The following RNF150 variants were observed in gnomAD, a reference collection of about 807,000 sequenced individuals.
RNF150 encodes ring finger protein 150.
In RNF150, 24 loss-of-function variants were observed where a neutral mutation model predicts 39.3. The ratio of observed to expected loss-of-function variants is 0.61; its 90% confidence interval spans 0.44 to 0.86. The LOEUF is 0.86. Among genes scored for constraint, RNF150 ranks in the 40% least tolerant of loss-of-function variants. The pLI is 0.00. For missense variants in RNF150, 502 were observed against 587.8 expected (o/e 0.85, Z 1.51); for synonymous variants, 255 against 227.3 (o/e 1.12, Z -1.10).
intron 1 of RNF150, among the ~76,000 whole-genome samples, chr4:141,189,498 A>G (rs1195080089): frequency 1.3e-5 from 2 of 152,098 alleles, no homozygotes; most frequent in Admixed American, 1.3e-4. Context: ...CTGCGCCCAC[A>G]GCTGCCCCTT....
intron 1 of RNF150, among the ~76,000 whole-genome samples, chr4:141,117,538 A>C (rs956846984): frequency 2.6e-5 from 4 of 152,242 alleles, no homozygotes; most frequent in Admixed American, 2.0e-4. Context: ...GAACAAATGT[A>C]TATGGTATGG....
At chr4:140,942,318 G>A (rs1732120020) in intron 4 of RNF150, among the ~76,000 whole-genome samples, 1 of 152,226 alleles carries the variant, frequency 6.6e-6, no homozygotes, top group African/African-American at 2.4e-5. Context: ...TGCAGAGCCA[G>A]TGATGGAGCC....
intron 4 of RNF150, among the ~76,000 whole-genome samples, chr4:140,929,177 A>G (rs1560972530): frequency 6.6e-6 from 1 of 152,050 alleles, no homozygotes. Context: ...TAGCAATCAA[A>G]TAAGATGATT....
chr4:141,005,767 G>C (rs888106446), intron 1 of RNF150, among the ~76,000 whole-genome samples: 1 of 152,156 alleles, frequency 6.6e-6, no homozygotes, highest in Non-Finnish European at 1.5e-5. Flanking sequence ...ACTTTAGTTA[G>C]ATAAGAAATA....
chr4:141,179,964 G>A (rs545878347), intron 1 of RNF150, among the ~76,000 whole-genome samples: 1 of 152,204 alleles, frequency 6.6e-6, no homozygotes, highest in African/African-American at 2.4e-5. Context: ...TGGCTCTCCC[G>A]TTACCTCTGG....
chr4:141,102,377 C>T (rs1739043229), intron 1 of RNF150, among the ~76,000 whole-genome samples: 2 of 152,044 alleles, frequency 1.3e-5, no homozygotes, highest in Non-Finnish European at 2.9e-5. Flanking sequence ...ATAATTTTTC[C>T]CTGATCCTTT....
chr4:140,935,473 A>G (rs561230913), intron 4 of RNF150, among the ~76,000 whole-genome samples: 2 of 152,274 alleles, frequency 1.3e-5, no homozygotes, highest in South Asian at 4.1e-4. Context: ...ATTTGAAGCC[A>G]GAATGCCATA....
In RNF150 at chr4:141,132,942, C is replaced by T. The variant is rs1242036043; in HGVS notation, c.-134G>A. ...ACTCCCGGGCCGGAGGGGCCGCGGCCGGGACGCGCAGCCGCCGCGGGGACC... is the reference window on the plus strand; with the variant it reads ...ACTCCCGGGCCGGAGGGGCCGCGGCTGGGACGCGCAGCCGCCGCGGGGACC... On this transcript the variant is annotated 5_prime_UTR_variant, in exon 1 of 7. Transcript: ENST00000515673. This position sits in a 1 kb window ranked among gnomAD's most constrained non-coding sequence, Gnocchi z 4.9. 4 of 677,280 alleles carry T rather than the reference C, an allele frequency of 5.9e-6. No individual in the cohort carries two copies. Among genetic ancestry groups the T allele is most frequent in the African/African-American group, 3.9e-5 (2 of 51,284 alleles). 42.0% of individuals were successfully genotyped at this position (677,280 alleles called of 1,614,324 possible). A position where few individuals can be genotyped will look rare whatever the true frequency, so the allele number is the denominator to read the frequency against.
chr4:141,172,701 T>C (rs1260906036), intron 1 of RNF150, among the ~76,000 whole-genome samples: 1 of 152,094 alleles, frequency 6.6e-6, no homozygotes, highest in African/African-American at 2.4e-5. Flanking sequence ...TGAGCATTAA[T>C]TACACTTGGT....
intron 1 of RNF150, among the ~76,000 whole-genome samples, chr4:141,034,422 A>G (rs1347044279): frequency 6.6e-6 from 1 of 152,166 alleles, no homozygotes; most frequent in Non-Finnish European, 1.5e-5. Context: ...CTTTCTCCAT[A>G]TCAGCAAAAA....
At position 141,152,993 on chromosome 4, in the gene RNF150, T is replaced by C. The variant is rs546939417; in HGVS notation, c.-6+59801A>G. On this transcript the variant is annotated intron_variant, in intron 1 of 7. Transcript: ENST00000420921. The stretch of plus-strand genomic sequence containing the variant: ...TAGCTATTTGTCCTGATGCTGGCAG[T>C]GTTTTTGAGTTACCAGAAGGGTATT... Among the ~76,000 whole-genome samples, 11 of 152,320 alleles carry C rather than the reference T, an allele frequency of 7.2e-5. No homozygotes were observed. The East Asian group carries it at 2.1e-3, about 29-fold the overall frequency.
chr4:140,927,206 A>G (rs1303488233), intron 4 of RNF150, among the ~76,000 whole-genome samples: 1 of 152,220 alleles, frequency 6.6e-6, no homozygotes, highest in African/African-American at 2.4e-5. Context: ...GGCTGCATAG[A>G]GGATATGATC....
At chr4:140,980,348 T>C (rs1733815076) in intron 1 of RNF150, among the ~76,000 whole-genome samples, 2 of 152,074 alleles carry the variant, frequency 1.3e-5, no homozygotes. Flanking sequence ...CGATCCCCTT[T>C]AGGCTATTTT....
chr4:141,124,192 C>T (rs3863131), intron 1 of RNF150, among the ~76,000 whole-genome samples: 94,489 of 152,168 alleles, frequency 0.62, 31,633 homozygotes, highest in East Asian at 0.76. Context: ...TCTTTCAAAC[C>T]TATACTGTTG....
At chr4:141,044,002 T>C (rs1336991963) in intron 1 of RNF150, among the ~76,000 whole-genome samples, 5 of 152,154 alleles carry the variant, frequency 3.3e-5, no homozygotes, top group Non-Finnish European at 7.4e-5. Context: ...ACTCACAACA[T>C]CCTTGAATGG....
intron 1 of RNF150, among the ~76,000 whole-genome samples, chr4:141,146,938 CT>C (rs1328109131): frequency 6.6e-6 from 1 of 152,104 alleles, no homozygotes; most frequent in East Asian, 1.9e-4. Context: ...GATAAAAGCT[CT>C]TTAGAGAATG....
At chr4:140,959,169 C>A (rs1325766722) in intron 2 of RNF150, among the ~76,000 whole-genome samples, 6 of 152,116 alleles carry the variant, frequency 3.9e-5, no homozygotes, top group Non-Finnish European at 7.4e-5. Context: ...TAACCCTGGC[C>A]TGCTTAAGAC....
At chr4:141,204,875 T>C (rs1438688586) in intron 1 of RNF150, among the ~76,000 whole-genome samples, 1 of 152,210 alleles carries the variant, frequency 6.6e-6, no homozygotes. Flanking sequence ...TCTAAGACTG[T>C]TTATTATTTT....
intron 1 of RNF150, among the ~76,000 whole-genome samples, chr4:140,991,190 GTTGT>G (rs1458508546): frequency 1.1e-4 from 17 of 152,144 alleles, no homozygotes; most frequent in African/African-American, 3.4e-4. Context: ...TTTTAATGGG[GTTGT>G]TTGTTTTTTT....
Sources: allele counts gnomAD v4.1 joint callset (sites outside exome capture counted in the v4.1 genomes callset), GRCh38; gene constraint gnomAD v4.1.1; non-coding constraint Gnocchi (gnomAD v3.1); transcripts MANE v1.5; gene names NCBI Gene and HGNC (gene_info 2026-07-23, HGNC 2026-07-21).